The following ATP6V0E1 variants were observed in gnomAD, a reference collection of about 807,000 sequenced individuals.
ATP6V0E1 encodes V-type proton ATPase subunit e 1.
A neutral mutation model predicts 11.6 loss-of-function variants in ATP6V0E1; 4 were observed. That is an observed-to-expected ratio of 0.35 (90% CI 0.17 to 0.79). The LOEUF is 0.79. Ranked by LOEUF, ATP6V0E1 falls within the 30% of genes least tolerant of loss-of-function variation. The probability of loss-of-function intolerance (pLI) is 0.54; values close to 1 mark genes in which losing one functional copy is unlikely to be tolerated. For synonymous variants in ATP6V0E1, 36 were observed against 34.8 expected (o/e 1.04, Z -0.13); for missense variants, 105 against 100.0 (o/e 1.05, Z -0.21).
At chr5:173,016,858 A>G (rs970345965) in intron 2 of ATP6V0E1, among the ~76,000 whole-genome samples, 11 of 152,210 alleles carry the variant, frequency 7.2e-5, no homozygotes, top group African/African-American at 2.7e-4. Flanking sequence ...GTTTGTGTTT[A>G]ATACCCTACT....
rs1164322968 is a variant in ATP6V0E1 at position 173,014,141 on chromosome 5, G to A, written c.153-6097G>A. On this transcript the variant is annotated intron_variant, in intron 2 of 3. Transcript: ENST00000519374. Reference sequence around the variant, plus strand: ...GTGCCACTGCACTCCAGCCTGGGCCGTAAAGGGAGACTCCATCTTAAAAAA... The same window carrying A: ...GTGCCACTGCACTCCAGCCTGGGCCATAAAGGGAGACTCCATCTTAAAAAA... 7.1e-5 allele frequency among the ~76,000 whole-genome samples: 10 copies of A among 140,384 alleles called. 1 individual carries two copies. The highest frequency in any genetic ancestry group is 4.6e-4 in the South Asian group (2 of 4,350). 92.1% of individuals were successfully genotyped at this position (140,384 alleles called of 152,430 possible).
intron 2 of ATP6V0E1, among the ~76,000 whole-genome samples, chr5:172,998,714 A>G (rs991411624): frequency 3.3e-5 from 5 of 152,064 alleles, no homozygotes; most frequent in African/African-American, 4.8e-5. Context: ...TGAATCGCCT[A>G]TGGAAATCAG....
intron 1 of ATP6V0E1, chr5:172,986,802 T>G: frequency 2.3e-6 from 1 of 430,640 alleles, no homozygotes; most frequent in South Asian, 1.7e-5. Context: ...TGTTTGTTTG[T>G]TTTTGAGACA....
intron 2 of ATP6V0E1, among the ~76,000 whole-genome samples, chr5:173,017,030 A>G (rs1311061434): frequency 2.0e-5 from 3 of 152,174 alleles, no homozygotes; most frequent in African/African-American, 4.8e-5. Context: ...GGTGCTGGCT[A>G]ATTCTCCAGC....
chr5:173,018,295 T>C (rs1025717731), intron 2 of ATP6V0E1, among the ~76,000 whole-genome samples: 1 of 152,190 alleles, frequency 6.6e-6, no homozygotes, highest in African/African-American at 2.4e-5. Context: ...TACTATTATA[T>C]TAAGTGGAAG....
chr5:173,021,057 A>G (rs1756475799), intron 3 of ATP6V0E1: 1 of 391,546 alleles, frequency 2.6e-6, no homozygotes, highest in African/African-American at 2.1e-5. Flanking sequence ...TGCAGGCTGT[A>G]TAAACATGAC....
chr5:173,004,089 C>T (rs528623713), intron 2 of ATP6V0E1, among the ~76,000 whole-genome samples: 38 of 152,180 alleles, frequency 2.5e-4, no homozygotes, highest in Non-Finnish European at 4.7e-4. Flanking sequence ...AGAAAAGATC[C>T]GACCAAACCT....
intron 1 of ATP6V0E1, among the ~76,000 whole-genome samples, chr5:172,989,831 G>T (rs1051383556): frequency 1.3e-5 from 2 of 151,654 alleles, no homozygotes; most frequent in Non-Finnish European, 2.9e-5. Context: ...CCCAGCCGAA[G>T]ATTTTTTAAA....
chr5:173,034,445 A>T lies in ATP6V0E1; in HGVS notation c.*83A>T, dbSNP rs1420693949. On this transcript the variant is annotated 3_prime_UTR_variant, in exon 4 of 4. Coordinates refer to ENST00000519374, the MANE Select transcript of ATP6V0E1 (RefSeq NM_003945.4). ...CTAGATGCAAAATCACCTCCAAACC[A>T]GACCACTTTTCTTGACTTGCCTGTT... 1 of 702,904 alleles carries T rather than the reference A, an allele frequency of 1.4e-6. No individual in the cohort carries two copies. Among genetic ancestry groups the T allele is most frequent in the Non-Finnish European group, 2.6e-6 (1 of 384,900 alleles). 43.5% of individuals were successfully genotyped at this position (702,904 alleles called of 1,614,324 possible).
At chr5:173,024,294 T>G (rs1212377546) in intron 3 of ATP6V0E1, among the ~76,000 whole-genome samples, 1 of 151,974 alleles carries the variant, frequency 6.6e-6, no homozygotes, top group Non-Finnish European at 1.5e-5. Flanking sequence ...TAGTAAGATG[T>G]TGGTGGCCAA....
At chr5:173,016,004 G>A (rs940760860) in intron 2 of ATP6V0E1, among the ~76,000 whole-genome samples, 3 of 152,206 alleles carry the variant, frequency 2.0e-5, no homozygotes, top group East Asian at 1.9e-4. Flanking sequence ...GATTACAGGC[G>A]TGAGCCACCA....
At chr5:173,012,159 G>A (rs2113599750) in intron 2 of ATP6V0E1, among the ~76,000 whole-genome samples, 1 of 151,830 alleles carries the variant, frequency 6.6e-6, no homozygotes, top group South Asian at 2.1e-4. Flanking sequence ...AGCCTCCCGA[G>A]TAGCTGCTAC....
rs575071879 is a variant in ATP6V0E1 at position 173,003,070 on chromosome 5, G to C, written c.152+8248G>C. Among the ~76,000 whole-genome samples, 6 of 152,170 alleles carry C rather than the reference G, an allele frequency of 3.9e-5. No homozygotes were observed. The East Asian group carries it at 1.2e-3, about 29-fold the overall frequency. ...GCTTGGAATGTTCTGGCAGGGTAATGTTGGGCTTAATAGTGAGGTGGGGAG... is the reference window on the plus strand; with the variant it reads ...GCTTGGAATGTTCTGGCAGGGTAATCTTGGGCTTAATAGTGAGGTGGGGAG... On this transcript the variant is annotated intron_variant, in intron 2 of 3. Transcript: ENST00000519374.
At chr5:172,993,927 T>C (rs538740385) in intron 1 of ATP6V0E1, among the ~76,000 whole-genome samples, 1 of 152,224 alleles carries the variant, frequency 6.6e-6, no homozygotes, top group Non-Finnish European at 1.5e-5. Flanking sequence ...CTTGCTCTTC[T>C]TAGGGCGTGG....
chr5:173,009,979 G>A (rs1307778075), intron 2 of ATP6V0E1, among the ~76,000 whole-genome samples: 1 of 150,150 alleles, frequency 6.7e-6, no homozygotes, highest in African/African-American at 2.5e-5. Flanking sequence ...GGTCACGCTG[G>A]TCTCAAACTC....
intron 3 of ATP6V0E1, among the ~76,000 whole-genome samples, chr5:173,032,395 C>T (rs1030355063): frequency 1.3e-5 from 2 of 151,736 alleles, no homozygotes; most frequent in Non-Finnish European, 2.9e-5. Flanking sequence ...TCAAGCCATT[C>T]TCCTTGCCTT....
intron 2 of ATP6V0E1, among the ~76,000 whole-genome samples, chr5:173,000,791 C>T (rs1213488544): frequency 6.6e-6 from 1 of 151,778 alleles, no homozygotes; most frequent in African/African-American, 2.4e-5. Context: ...ACCTCCACCT[C>T]CCAGGTTCAA....
chr5:172,987,778 A>C (rs1755918846), intron 1 of ATP6V0E1, among the ~76,000 whole-genome samples: 1 of 151,764 alleles, frequency 6.6e-6, no homozygotes, highest in Admixed American at 6.6e-5. Flanking sequence ...CAGTGGCTCC[A>C]TCATAGCTCA....
chr5:173,008,902 C>T (rs894361844), intron 2 of ATP6V0E1, among the ~76,000 whole-genome samples: 1 of 110,544 alleles, frequency 9.0e-6, no homozygotes, highest in African/African-American at 3.9e-5. Context: ...CAGAGCAAGA[C>T]TCTGTCTCAA....
Sources: allele counts gnomAD v4.1 joint callset (sites outside exome capture counted in the v4.1 genomes callset), GRCh38; gene constraint gnomAD v4.1.1; transcripts MANE v1.5; gene names NCBI Gene and HGNC (gene_info 2026-07-23, HGNC 2026-07-21).